MIA2: variants seen among roughly 807,000 people sequenced by gnomAD.
The protein encoded by MIA2 is melanoma inhibitory activity protein 2.
A neutral mutation model predicts 167.8 loss-of-function variants in MIA2; 127 were observed. That is an observed-to-expected ratio of 0.76 (90% confidence interval 0.66 to 0.88). The LOEUF is 0.88. MIA2 is among the 40% of genes least tolerant of loss of function. The probability of loss-of-function intolerance (pLI) is 0.00; values close to 1 mark genes in which losing one functional copy is unlikely to be tolerated. For synonymous variants in MIA2, 552 were observed against 541.9 expected (o/e 1.02, Z -0.26); for missense variants, 1,690 against 1,624.7 (o/e 1.04, Z -0.69).
At chr14:39,234,566 T>G (rs1425094376) in intron 1 of MIA2, among the ~76,000 whole-genome samples, 3 of 152,128 alleles carry the variant, frequency 2.0e-5, no homozygotes, top group African/African-American at 7.2e-5. Context: ...AAGATAAATC[T>G]AATTGATTCA....
intron 25 of MIA2, among the ~76,000 whole-genome samples, chr14:39,333,568 T>C (rs946577995): frequency 6.6e-6 from 1 of 152,150 alleles, no homozygotes; most frequent in Admixed American, 6.6e-5. Context: ...GAAAGTTTTA[T>C]CGAGTTTTGA....
At chr14:39,311,901 C>G (rs1449343013) in intron 18 of MIA2, among the ~76,000 whole-genome samples, 1 of 151,426 alleles carries the variant, frequency 6.6e-6, no homozygotes, top group Admixed American at 6.6e-5. Flanking sequence ...ACGATCTCGG[C>G]TCACTGCAAC....
At chr14:39,260,462 G>A (rs147125530) in intron 6 of MIA2, among the ~76,000 whole-genome samples, 6,110 of 152,260 alleles carry the variant, frequency 0.04, 169 homozygotes, top group Non-Finnish European at 0.061. Flanking sequence ...GGCCAGTGAC[G>A]ATGAGCATTT....
At position 39,298,248 on chromosome 14, in the gene MIA2, T is replaced by G. The variant is rs114539392; in HGVS notation, c.2497-1616T>G. 6.4e-3 allele frequency among the ~76,000 whole-genome samples: 970 copies of G among 151,780 alleles called. 10 individuals are homozygous for G. The highest frequency in any genetic ancestry group is 0.022 in the African/African-American group (895 of 41,450). On this transcript the variant is annotated intron_variant, in intron 13 of 28. Transcript: ENST00000640607. ...AATAATCCAAATTCTTGAAACAAAC[T>G]GTATTCACTGATGCCATGTTCTAAT...
intron 4 of MIA2, among the ~76,000 whole-genome samples, chr14:39,251,212 G>C (rs1039057875): frequency 1.3e-5 from 2 of 152,054 alleles, no homozygotes; most frequent in African/African-American, 2.4e-5. Flanking sequence ...CTAACATATT[G>C]ATTTAGGAAT....
intron 26 of MIA2, chr14:39,346,874 G>C (rs752370318): frequency 2.8e-5 from 9 of 320,168 alleles, no homozygotes; most frequent in Non-Finnish European, 5.6e-5. Context: ...CCAAAGTGCT[G>C]GGATTACAAG....
At position 39,346,765 on chromosome 14, in the gene MIA2, C is replaced by T. The variant is rs989660179; in HGVS notation, c.3778+739C>T. 9 of 164,024 alleles carry T rather than the reference C, an allele frequency of 5.5e-5. No homozygotes were observed. The South Asian group carries it at 7.1e-4, about 13-fold the overall frequency. 10.2% of individuals were successfully genotyped at this position (164,024 alleles called of 1,614,324 possible). Reference sequence around the variant, plus strand: ...TATAGCTGGGACTACAGGTGTGCACCACCACACATGGCTAATTTTTTGTAA... The same window carrying T: ...TATAGCTGGGACTACAGGTGTGCACTACCACACATGGCTAATTTTTTGTAA... On this transcript the variant is annotated intron_variant, in intron 26 of 28. Transcript: ENST00000640607.
chr14:39,384,559 A>AG (rs1391107454), intron 23 of MIA2, among the ~76,000 whole-genome samples: 1 of 152,076 alleles, frequency 6.6e-6, no homozygotes, highest in African/African-American at 2.4e-5. Context: ...CAGCTGAAGG[A>AG]GGGGTCTGAT....
intron 27 of MIA2, among the ~76,000 whole-genome samples, chr14:39,348,239 G>C (rs2073846928): frequency 6.6e-6 from 1 of 152,126 alleles, no homozygotes; most frequent in Admixed American, 6.6e-5. Context: ...TCTACTTAGC[G>C]TGAAAGCTGT....
chr14:39,352,934 T>C (rs1162650743), downstream of MIA2, among the ~76,000 whole-genome samples: 1 of 152,204 alleles, frequency 6.6e-6, no homozygotes, highest in Admixed American at 6.5e-5. Context: ...GTTATTAGGG[T>C]CTTCAAGTTG....
At position 39,326,957 on chromosome 14, in the gene MIA2, C is replaced by T. The variant is rs2067689560; in HGVS notation, c.3590C>T (p.Pro1197Leu). The change falls in exon 25 of 29, where the codon CCC becomes CTC. Residue 1197 changes from proline (P) to leucine (L), a missense_variant. Pro to Leu is a moderately conservative substitution (Grantham distance 98, BLOSUM62 -3). Transcript: ENST00000640607. ...CDRLTDPHRA[P>L]SDTGSLSPPW... Reference sequence around the variant, plus strand: ...AGGTTAACCGATCCTCATAGGGCTCCCTCTGACACTGGGTCTCTGTCACCT... The same window carrying T: ...AGGTTAACCGATCCTCATAGGGCTCTCTCTGACACTGGGTCTCTGTCACCT... 8.2e-6 allele frequency: 13 copies of T among 1,585,724 alleles called. No individual in the cohort carries two copies. Among genetic ancestry groups the T allele is most frequent in the Non-Finnish European group, 1.1e-5 (13 of 1,168,050 alleles).
intron 4 of MIA2, among the ~76,000 whole-genome samples, chr14:39,252,192 A>G (rs1378777054): frequency 1.3e-5 from 2 of 152,168 alleles, no homozygotes; most frequent in Admixed American, 6.6e-5. Context: ...CTTAACCCCC[A>G]GACCCTGAGA....
At chr14:39,263,631 C>CTG (rs1310425681) in intron 6 of MIA2, among the ~76,000 whole-genome samples, 2 of 113,524 alleles carry the variant, frequency 1.8e-5, no homozygotes, top group African/African-American at 7.5e-5. Context: ...CTCTCTCTCT[C>CTG]TCTTTTTTTT....
At chr14:39,284,880 A>G (rs1414003954) in intron 9 of MIA2, among the ~76,000 whole-genome samples, 1 of 151,958 alleles carries the variant, frequency 6.6e-6, no homozygotes, top group Non-Finnish European at 1.5e-5. Flanking sequence ...TGGTTTTCCT[A>G]GGCAGAGGAC....
At chr14:39,327,128 A>T (rs1164765486) in intron 25 of MIA2, 106 bp downstream of exon 25, 10 of 829,250 alleles carry the variant, frequency 1.2e-5, no homozygotes, top group Non-Finnish European at 1.7e-5. Flanking sequence ...TCTTAAGAAA[A>T]ATCATCGTAC....
At chr14:39,268,835 G>A (rs2056540160) in intron 6 of MIA2, among the ~76,000 whole-genome samples, 1 of 152,178 alleles carries the variant, frequency 6.6e-6, no homozygotes. Flanking sequence ...TGCATGTGAA[G>A]GGTGAGAGAG....
Position 39,345,575 on chromosome 14 carries a change from A to C in MIA2, c.3656-329A>C, listed in dbSNP as rs184495032. 6.8e-4 allele frequency among the ~76,000 whole-genome samples: 103 copies of C among 152,128 alleles called. 2 individuals are homozygous for C. The East Asian group carries it at 0.016, about 24-fold the overall frequency. ...ATGTTTCCTGGGTCTTTTTTGATAC[A>C]TTGATGTATTTACTTCCATCCATTA... On this transcript the variant is annotated intron_variant, in intron 25 of 28. Transcript: ENST00000640607.
chr14:39,267,054 C>T, intron 6 of MIA2: 3 of 1,048,588 alleles, frequency 2.9e-6, no homozygotes, highest in Non-Finnish European at 3.5e-6. Flanking sequence ...AGCGCCGGCC[C>T]CTTTAAGAGC....
At chr14:39,280,730 TCAAAA>T (rs2058787658) in intron 9 of MIA2, among the ~76,000 whole-genome samples, 1 of 150,088 alleles carries the variant, frequency 6.7e-6, no homozygotes, top group Non-Finnish European at 1.5e-5. Context: ...AGACTCCTTC[TCAAAA>T]CAAACAAACA....
Sources: allele counts gnomAD v4.1 joint callset (sites outside exome capture counted in the v4.1 genomes callset), GRCh38; gene constraint gnomAD v4.1.1; transcripts MANE v1.5; gene names NCBI Gene and HGNC (gene_info 2026-07-23, HGNC 2026-07-21).